The following SLC26A7 variants were observed in gnomAD, a reference collection of about 807,000 sequenced individuals.
SLC26A7 encodes the protein solute carrier family 26 member 7.
In SLC26A7, 59 loss-of-function variants were observed where a neutral mutation model predicts 82.5. The ratio of observed to expected loss-of-function variants is 0.72; its 90% CI spans 0.58 to 0.89. SLC26A7 has a LOEUF of 0.89. Among genes scored for constraint, SLC26A7 ranks in the 40% least tolerant of loss-of-function variants. The pLI is 0.00. For synonymous variants in SLC26A7, 271 were observed against 274.3 expected (o/e 0.99, Z 0.12); for missense variants, 820 against 793.0 (o/e 1.03, Z -0.41).
chr8:91,334,961 T>A (rs1813199906), intron 6 of SLC26A7, among the ~76,000 whole-genome samples: 1 of 152,178 alleles, frequency 6.6e-6, no homozygotes, highest in Non-Finnish European at 1.5e-5. Context: ...CTAAAATATT[T>A]TTTTGTTGTA....
At chr8:91,225,077 C>G (rs965929757) in intron 2 of SLC26A7, among the ~76,000 whole-genome samples, 2 of 152,228 alleles carry the variant, frequency 1.3e-5, no homozygotes. Context: ...GAAATGGGTG[C>G]CGCCTTTCCC....
intron 14 of SLC26A7, among the ~76,000 whole-genome samples, chr8:91,369,137 T>G (rs2130879014): frequency 6.6e-6 from 1 of 152,372 alleles, no homozygotes; most frequent in East Asian, 1.9e-4. Context: ...ATTTAACCTT[T>G]CTAATCTTTG....
chr8:91,284,060 G>T (rs951022862), intron 2 of SLC26A7, among the ~76,000 whole-genome samples: 2 of 152,148 alleles, frequency 1.3e-5, no homozygotes, highest in African/African-American at 4.8e-5. Flanking sequence ...AGAAATATGT[G>T]TATATACATA....
intron 2 of SLC26A7, among the ~76,000 whole-genome samples, chr8:91,273,640 G>C (rs575836196): frequency 1.3e-5 from 2 of 152,240 alleles, no homozygotes; most frequent in South Asian, 4.1e-4. Flanking sequence ...TGGAAAATAT[G>C]CTTAGTGACA....
intron 2 of SLC26A7, among the ~76,000 whole-genome samples, chr8:91,275,769 C>T (rs1168168117): frequency 1.3e-5 from 2 of 152,146 alleles, no homozygotes; most frequent in African/African-American, 4.8e-5. Context: ...CAAGCCACTT[C>T]CTCCTCTAAG....
intron 15 of SLC26A7, among the ~76,000 whole-genome samples, chr8:91,378,438 A>G (rs1253866723): frequency 6.8e-6 from 1 of 147,166 alleles, no homozygotes; most frequent in Non-Finnish European, 1.5e-5. Context: ...TATATATAAT[A>G]TAAAGTATAT....
intron 9 of SLC26A7, among the ~76,000 whole-genome samples, chr8:91,345,834 A>G (rs1430479571): frequency 1.3e-5 from 2 of 152,296 alleles, no homozygotes. Flanking sequence ...TAATCAGTCT[A>G]TCTGATTCAT....
At chr8:91,389,066 TCA>T (rs796406151) in intron 15 of SLC26A7, among the ~76,000 whole-genome samples, 2 of 152,334 alleles carry the variant, frequency 1.3e-5, no homozygotes, top group African/African-American at 4.8e-5. Context: ...AAACTGAACC[TCA>T]GTTTGTCCAT....
chr8:91,332,367 T>C (rs1321942224), intron 5 of SLC26A7, among the ~76,000 whole-genome samples: 1 of 143,540 alleles, frequency 7.0e-6, no homozygotes, highest in Non-Finnish European at 1.5e-5. Context: ...TAATTATATA[T>C]AAAATTATAT....
chr8:91,279,601 C>T (rs1230091408), intron 2 of SLC26A7, among the ~76,000 whole-genome samples: 1 of 152,048 alleles, frequency 6.6e-6, no homozygotes, highest in Admixed American at 6.5e-5. Context: ...TCGCTGTTGC[C>T]CAGGCTGGAC....
At chr8:91,349,549 G>A (rs1813657939) in intron 9 of SLC26A7, among the ~76,000 whole-genome samples, 1 of 152,058 alleles carries the variant, frequency 6.6e-6, no homozygotes, top group South Asian at 2.1e-4. Flanking sequence ...ATAAATTTGG[G>A]AACCTTAAAA....
At chr8:91,320,651 A>G (rs1421407299) in intron 5 of SLC26A7, among the ~76,000 whole-genome samples, 2 of 152,198 alleles carry the variant, frequency 1.3e-5, no homozygotes, top group Non-Finnish European at 2.9e-5. Flanking sequence ...TACACTTGCC[A>G]CTGGATCATT....
chr8:91,340,356 G>A, intron 7 of SLC26A7, 48 bp from the exon 8 acceptor site: 3 of 1,592,276 alleles, frequency 1.9e-6, no homozygotes, highest in Non-Finnish European at 2.6e-6. Flanking sequence ...AGTTGTTACA[G>A]AAATTACATG....
chr8:91,272,984 C>A (rs1442910124), intron 2 of SLC26A7, among the ~76,000 whole-genome samples: 1 of 152,038 alleles, frequency 6.6e-6, no homozygotes, highest in Admixed American at 6.5e-5. Context: ...CAAATTCCAT[C>A]CATATTAAGT....
At chr8:91,356,958 G>A (rs975149324) in intron 11 of SLC26A7, among the ~76,000 whole-genome samples, 2 of 152,192 alleles carry the variant, frequency 1.3e-5, no homozygotes, top group African/African-American at 4.8e-5. Context: ...GATCATGGAA[G>A]CAAAGCCTCA....
At chr8:91,275,037 G>A (rs188230696) in intron 2 of SLC26A7, among the ~76,000 whole-genome samples, 193 of 152,076 alleles carry the variant, frequency 1.3e-3, no homozygotes, top group Admixed American at 4.1e-3. Context: ...GCATAAATGC[G>A]CATATATTCC....
intron 15 of SLC26A7, among the ~76,000 whole-genome samples, chr8:91,384,010 A>G (rs1814732963): frequency 6.6e-6 from 1 of 152,116 alleles, no homozygotes; most frequent in African/African-American, 2.4e-5. Context: ...CACCCTTATT[A>G]CTCATTTCCC....
chr8:91,286,558 T>C (rs1379387038), intron 2 of SLC26A7, among the ~76,000 whole-genome samples: 1 of 152,228 alleles, frequency 6.6e-6, no homozygotes, highest in East Asian at 1.9e-4. Flanking sequence ...TTGTTGTTGC[T>C]TTTGCTCTTA....
intron 11 of SLC26A7, among the ~76,000 whole-genome samples, chr8:91,355,899 C>T (rs1203044376): frequency 6.6e-6 from 1 of 152,072 alleles, no homozygotes; most frequent in Non-Finnish European, 1.5e-5. Context: ...CAGAACAGTC[C>T]CCGGAGTGTG....
Sources: allele counts gnomAD v4.1 joint callset (sites outside exome capture counted in the v4.1 genomes callset), GRCh38; gene constraint gnomAD v4.1.1; transcripts MANE v1.5; gene names NCBI Gene and HGNC (gene_info 2026-07-23, HGNC 2026-07-21).